The following SEMA5A variants were observed in gnomAD, a reference collection of about 807,000 sequenced individuals.
SEMA5A encodes semaphorin 5A.
Under a neutral mutation model 135.5 loss-of-function variants are expected in SEMA5A, and 55 were observed. That is an observed-to-expected ratio of 0.41 (90% CI 0.33 to 0.51). The LOEUF (loss-of-function observed/expected upper bound fraction) is 0.51. Ranked by LOEUF, SEMA5A falls within the 20% of genes least tolerant of loss-of-function variation. The pLI is 0.37. For missense variants in SEMA5A, 1,290 were observed against 1,419.9 expected, an observed-to-expected ratio of 0.91 and a Z score of 1.47; for synonymous variants, 580 against 546.5, an observed-to-expected ratio of 1.06 and a Z score of -0.85.
At chr5:9,078,542 A>G (rs1295403352) in intron 16 of SEMA5A, among the ~76,000 whole-genome samples, 3 of 151,896 alleles carry the variant, frequency 2.0e-5, no homozygotes, top group Non-Finnish European at 4.4e-5. Flanking sequence ...AAAAAGTGGC[A>G]AATATTGGTC....
At chr5:9,236,103 A>G (rs572993577) in intron 6 of SEMA5A, among the ~76,000 whole-genome samples, 1 of 152,224 alleles carries the variant, frequency 6.6e-6, no homozygotes, top group South Asian at 2.1e-4. Flanking sequence ...CCACAATTCA[A>G]TTACCTTCCC....
intron 5 of SEMA5A, among the ~76,000 whole-genome samples, chr5:9,271,486 C>T (rs1749971549): frequency 6.6e-6 from 1 of 152,024 alleles, no homozygotes; most frequent in Non-Finnish European, 1.5e-5. Flanking sequence ...TTGGAGGGCA[C>T]AGAAGAAGAT....
chr5:9,201,792 C>G (rs1343078001), intron 9 of SEMA5A, among the ~76,000 whole-genome samples, 163 bp downstream of exon 9: 1 of 152,168 alleles, frequency 6.6e-6, no homozygotes, highest in East Asian at 1.9e-4. Context: ...ATATCTTTAT[C>G]TAACATGTAG....
chr5:9,321,427 C>T (rs1002638339), intron 4 of SEMA5A, among the ~76,000 whole-genome samples: 1 of 152,148 alleles, frequency 6.6e-6, no homozygotes, highest in Non-Finnish European at 1.5e-5. Context: ...TTTCAGGAGG[C>T]TGCCCCTCTG....
At chr5:9,283,358 G>C (rs950878319) in intron 5 of SEMA5A, among the ~76,000 whole-genome samples, 5 of 152,126 alleles carry the variant, frequency 3.3e-5, no homozygotes, top group Non-Finnish European at 5.9e-5. Context: ...GTGACTGTAG[G>C]ACTGAGACCT....
At chr5:9,538,105 C>T (rs1401784721) in intron 1 of SEMA5A, among the ~76,000 whole-genome samples, 1 of 152,174 alleles carries the variant, frequency 6.6e-6, no homozygotes, top group East Asian at 1.9e-4. Context: ...GAGCTAAAGA[C>T]ACTCACTTCT....
At chr5:9,405,755 G>T (rs746339750) in intron 2 of SEMA5A, among the ~76,000 whole-genome samples, 5 of 152,098 alleles carry the variant, frequency 3.3e-5, no homozygotes, top group Admixed American at 6.6e-5. Flanking sequence ...TTAAATGGAG[G>T]GACTTCGAAT....
At chr5:9,075,286 G>A (rs1042430226) in intron 16 of SEMA5A, among the ~76,000 whole-genome samples, 2 of 152,128 alleles carry the variant, frequency 1.3e-5, no homozygotes, top group East Asian at 1.9e-4. Flanking sequence ...GAAGTCAAAC[G>A]TATACATATC....
intron 5 of SEMA5A, among the ~76,000 whole-genome samples, chr5:9,314,178 A>T (rs1318398416): frequency 6.6e-6 from 1 of 152,166 alleles, no homozygotes; most frequent in African/African-American, 2.4e-5. Flanking sequence ...ATCAACCCCC[A>T]TGATTTGTGG....
intron 1 of SEMA5A, among the ~76,000 whole-genome samples, chr5:9,515,516 C>G (rs1736461404): frequency 6.6e-6 from 1 of 152,104 alleles, no homozygotes; most frequent in Non-Finnish European, 1.5e-5. Flanking sequence ...GGGGAGTTGG[C>G]AAAGAACTTG....
At chr5:9,364,957 C>T (rs1015735685) in intron 3 of SEMA5A, among the ~76,000 whole-genome samples, 3 of 152,120 alleles carry the variant, frequency 2.0e-5, no homozygotes, top group Non-Finnish European at 4.4e-5. Context: ...AGTTTCTGTT[C>T]AGCTATTTAA....
At chr5:9,100,444 G>A (rs761179749) in intron 16 of SEMA5A, among the ~76,000 whole-genome samples, 21 of 152,140 alleles carry the variant, frequency 1.4e-4, no homozygotes, top group Non-Finnish European at 2.5e-4. Context: ...GTTAGTGAAA[G>A]TGCAGCCTGG....
In SEMA5A at chr5:9,042,931, T is replaced by C. The variant is rs1454834674; in HGVS notation, c.3191A>G (p.Tyr1064Cys). 7 of 1,613,744 alleles carry C rather than the reference T, an allele frequency of 4.3e-6. No individual in the cohort carries two copies. In the African/African-American group the frequency reaches 8.0e-5, roughly 18 times the overall value. Residue 1064 changes from tyrosine (Y) to cysteine (C), a missense_variant, in exon 23 of 23, where the codon TAC becomes TGC. By Grantham distance (194) the Tyr-to-Cys change is radical. This residue lies in a region of SEMA5A where 1,029 missense variants were observed against 1,086.6 expected (regional missense o/e 0.95). Coordinates refer to ENST00000382496, the MANE Select transcript of SEMA5A (RefSeq NM_003966.3). ...HLTGKTYSNA[Y>C]FTDLNNYDEY ...ATCATAATTATTGAGATCTGTAAAG[T>C]AGGCATTAGAATAGGTCTTCCCAGT...
At chr5:9,321,982 G>T (rs997536349) in intron 4 of SEMA5A, among the ~76,000 whole-genome samples, 25 of 152,188 alleles carry the variant, frequency 1.6e-4, no homozygotes, top group Admixed American at 9.2e-4. Context: ...AGCACAGTCT[G>T]CAGTGCTCTG....
intron 5 of SEMA5A, among the ~76,000 whole-genome samples, chr5:9,248,578 A>AAAAAGAT (rs1748604426): frequency 6.6e-6 from 1 of 151,894 alleles, no homozygotes; most frequent in Non-Finnish European, 1.5e-5. Context: ...AGAAAAAAGA[A>AAAAAGAT]AAGGACTGAA....
chr5:9,413,155 C>T (rs1757164350), intron 2 of SEMA5A, among the ~76,000 whole-genome samples: 1 of 152,026 alleles, frequency 6.6e-6, no homozygotes, highest in Non-Finnish European at 1.5e-5. Context: ...GTGGGCAGGT[C>T]CTCAGGAAAA....
At chr5:9,318,235 C>T (rs996325685) in intron 5 of SEMA5A, 137 bp downstream of exon 5, 19 of 688,444 alleles carry the variant, frequency 2.8e-5, no homozygotes, top group Non-Finnish European at 3.1e-5. Flanking sequence ...GCCTTAGTCC[C>T]GTGGCCTGAC....
intron 13 of SEMA5A, among the ~76,000 whole-genome samples, chr5:9,127,813 G>A (rs186505243): frequency 1.3e-5 from 2 of 152,244 alleles, no homozygotes; most frequent in East Asian, 3.9e-4. Context: ...GAAATGACCA[G>A]GGAGGTTCCT....
intron 13 of SEMA5A, among the ~76,000 whole-genome samples, chr5:9,127,790 C>A (rs1741197143): frequency 2.0e-5 from 3 of 152,126 alleles, no homozygotes. Context: ...ATTTTCTCAT[C>A]TAAAATACAA....
Sources: allele counts gnomAD v4.1 joint callset (sites outside exome capture counted in the v4.1 genomes callset), GRCh38; gene constraint gnomAD v4.1.1; regional missense constraint gnomAD v4.1.1; transcripts MANE v1.5; gene names NCBI Gene and HGNC (gene_info 2026-07-23, HGNC 2026-07-21).